ANKRD46: variants seen among roughly 807,000 people sequenced by gnomAD.
ANKRD46 encodes the protein ankyrin repeat domain 46, also known as ankyrin repeat domain-containing protein 46.
Under a neutral mutation model 19.8 loss-of-function variants are expected in ANKRD46, and 13 were observed. That is an observed-to-expected ratio of 0.66 (90% confidence interval 0.43 to 1.04). ANKRD46 has a LOEUF of 1.04. Among genes scored for constraint, ANKRD46 ranks in the 50% least tolerant of loss-of-function variants. ANKRD46 has a pLI of 0.00. For synonymous variants in ANKRD46, 91 were observed against 106.9 expected (o/e 0.85, Z 0.92); for missense variants, 185 against 274.8 (o/e 0.67, Z 2.31).
In ANKRD46 at chr8:100,545,338, G is replaced by C. The variant is rs946845179; in HGVS notation, c.-130-12027C>G. Reference sequence around the variant, plus strand: ...CCTGGTGGGAGGTGAATGGAGCATGGGGGTGGTTACCCCCATGCTGTTCTC... The same window carrying C: ...CCTGGTGGGAGGTGAATGGAGCATGCGGGTGGTTACCCCCATGCTGTTCTC... On this transcript the variant is annotated intron_variant, in intron 1 of 4. Coordinates refer to ENST00000335659, the MANE Select transcript of ANKRD46 (RefSeq NM_001270377.2). This position sits in a 1 kb window ranked among gnomAD's most constrained non-coding sequence, Gnocchi z 4.7. Among the ~76,000 whole-genome samples the C allele has an allele frequency of 1.3e-5, 2 of 152,076 alleles. No individual in the cohort carries two copies. Among genetic ancestry groups the C allele is most frequent in the Non-Finnish European group, 2.9e-5 (2 of 68,000 alleles).
rs1812532486 is a variant in ANKRD46, at chr8:100,557,902, T to A, written c.-131+1809A>T. On this transcript the variant is annotated intron_variant, in intron 1 of 4. Coordinates refer to ENST00000335659, the MANE Select transcript of ANKRD46 (RefSeq NM_001270377.2). This position sits in a 1 kb window ranked among gnomAD's most constrained non-coding sequence, Gnocchi z 5.9. ...TCCCCCTTTGCTACTTTATTTTTAT[T>A]CCTAGTAACTGTTACCATCTGACTC... Among the ~76,000 whole-genome samples, 1 of 152,170 alleles carries A rather than the reference T, an allele frequency of 6.6e-6. No individual in the cohort carries two copies. The highest frequency in any genetic ancestry group is 1.5e-5 in the Non-Finnish European group (1 of 68,010).
chr8:100,530,331 T>G (rs1312431856), intron 2 of ANKRD46, among the ~76,000 whole-genome samples: 2 of 152,238 alleles, frequency 1.3e-5, no homozygotes, highest in African/African-American at 4.8e-5. Context: ...CTAAAACTAC[T>G]TGCATGAAAA....
rs557934917 is a variant in ANKRD46 at position 100,510,143 on chromosome 8, C to A, written c.*434G>T. ...TTTTCCGAATGAAGTAACTTTTTTCCCCAGACCGTTTTCTTCACAACTGAA... is the reference window on the plus strand; with the variant it reads ...TTTTCCGAATGAAGTAACTTTTTTCACCAGACCGTTTTCTTCACAACTGAA... On this transcript the variant is annotated 3_prime_UTR_variant, in exon 6 of 6. Coordinates refer to the ANKRD46 transcript ENST00000520552. The surrounding 1 kb of genome is among the most constrained non-coding windows in gnomAD (Gnocchi z 4.9). 5.6e-5 allele frequency: 9 copies of A among 160,658 alleles called. No individual in the cohort carries two copies. The highest frequency in any genetic ancestry group is 1.9e-4 in the Admixed American group (3 of 15,560). 10.0% of individuals were successfully genotyped at this position (160,658 alleles called of 1,614,324 possible). A position where few individuals can be genotyped will look rare whatever the true frequency, so the allele number is the denominator to read the frequency against.
Position 100,527,841 on chromosome 8 carries a change from G to A in ANKRD46, c.470+4C>T. ...TGAGAAAAAAAAAGTTGTATCTCCA[G>A]TACCTTTCACTCTCAGCTGTTTGCA... On this transcript the variant is annotated splice_donor_region_variant and intron_variant, in intron 4 of 4. Coordinates refer to ENST00000335659, the MANE Select transcript of ANKRD46 (RefSeq NM_001270377.2). This position sits in a 1 kb window ranked among gnomAD's most constrained non-coding sequence, Gnocchi z 4.0. 6.2e-7 allele frequency: 1 copy of A among 1,611,694 alleles called. No individual in the cohort carries two copies. Among genetic ancestry groups the A allele is most frequent in the Non-Finnish European group, 8.5e-7 (1 of 1,179,162 alleles).
rs1054075910 is a variant in ANKRD46 at position 100,524,871 on chromosome 8, T to C, written c.471-2100A>G. The stretch of plus-strand genomic sequence containing the variant: ...CTACTGTCCAGGGAATATCTGATTC[T>C]AACATAATGGGGTGTGTGTATAATC... On this transcript the variant is annotated intron_variant, in intron 4 of 4. Coordinates refer to ENST00000335659, the MANE Select transcript of ANKRD46 (RefSeq NM_001270377.2). The surrounding 1 kb of genome is among the most constrained non-coding windows in gnomAD (Gnocchi z 4.3). 5.3e-5 allele frequency among the ~76,000 whole-genome samples: 8 copies of C among 152,326 alleles called. No homozygotes were observed. Among genetic ancestry groups the C allele is most frequent in the Middle Eastern group, 3.4e-3 (1 of 292 alleles).
At chr8:100,520,761 A>ATT, downstream of ANKRD46, 2 of 875,718 alleles carry the variant, frequency 2.3e-6, no homozygotes, top group Non-Finnish European at 2.7e-6. Flanking sequence ...AAAAAAAAAG[A>ATT]GAAATCGTGA....
chr8:100,538,309 C>G (rs1446723539), intron 1 of ANKRD46, among the ~76,000 whole-genome samples: 2 of 152,046 alleles, frequency 1.3e-5, no homozygotes, highest in Non-Finnish European at 2.9e-5. Context: ...AACCATGAAT[C>G]AAAAATATTT....
chr8:100,547,660 T>C (rs1229874663), intron 1 of ANKRD46, among the ~76,000 whole-genome samples: 1 of 152,122 alleles, frequency 6.6e-6, no homozygotes, highest in Non-Finnish European at 1.5e-5. Context: ...CAGCACTCCA[T>C]ACATATACTC....
At chr8:100,523,125 C>T (rs1007574250) in intron 4 of ANKRD46, among the ~76,000 whole-genome samples, 9 of 150,656 alleles carry the variant, frequency 6.0e-5, no homozygotes, top group Admixed American at 1.3e-4. Context: ...CCCAGGAGTT[C>T]GGGACCAGCC....
In ANKRD46 at chr8:100,520,874, A is replaced by C. The variant is rs1434238591; in HGVS notation, c.*1681T>G. On this transcript the variant is annotated 3_prime_UTR_variant, in exon 5 of 5. Transcript: ENST00000335659. ...ACATAAAAGGAACCATTAATCTTTAAAAATGCTATATACTTACATTTTGAC... is the reference window on the plus strand; with the variant it reads ...ACATAAAAGGAACCATTAATCTTTACAAATGCTATATACTTACATTTTGAC... 2 of 984,604 alleles carry C rather than the reference A, an allele frequency of 2.0e-6. No individual in the cohort carries two copies. The highest frequency in any genetic ancestry group is 3.5e-5 in the African/African-American group (2 of 57,210). 61.0% of individuals were successfully genotyped at this position (984,604 alleles called of 1,614,324 possible). A position where few individuals can be genotyped will look rare whatever the true frequency, so the allele number is the denominator to read the frequency against.
downstream of ANKRD46, among the ~76,000 whole-genome samples, chr8:100,519,290 A>C (rs17349841): frequency 0.29 from 44,570 of 152,056 alleles, 7,097 homozygotes; most frequent in Middle Eastern, 0.37. Context: ...CCTACGAGGG[A>C]GTCACAGGAA....
chr8:100,541,233 A>C (rs1812169770), intron 1 of ANKRD46, among the ~76,000 whole-genome samples: 1 of 152,020 alleles, frequency 6.6e-6, no homozygotes, highest in South Asian at 2.1e-4. Flanking sequence ...CCACCTTAGC[A>C]GACTTTATAT....
intron 1 of ANKRD46, among the ~76,000 whole-genome samples, chr8:100,555,759 AAAAG>A (rs1171475522): frequency 6.9e-5 from 9 of 130,038 alleles, no homozygotes; most frequent in African/African-American, 2.9e-4. Context: ...AAAAAAAAAA[AAAAG>A]ATTTCCACAT....
In ANKRD46 at chr8:100,545,693, G is replaced by T. The variant is rs1343357233; in HGVS notation, c.-130-12382C>A. On this transcript the variant is annotated intron_variant, in intron 1 of 4. Coordinates refer to ENST00000335659, the MANE Select transcript of ANKRD46 (RefSeq NM_001270377.2). The surrounding 1 kb of genome is among the most constrained non-coding windows in gnomAD (Gnocchi z 4.7). ...GGAACTGGGTAACAGGCAAAGGTTG[G>T]AACAGTTTGGGGGGCTCAGAAGATA... 6.6e-6 allele frequency among the ~76,000 whole-genome samples: 1 copy of T among 152,188 alleles called. No individual in the cohort carries two copies. Among genetic ancestry groups the T allele is most frequent in the Non-Finnish European group, 1.5e-5 (1 of 68,028 alleles).
chr8:100,521,989 TTTTG>T lies in ANKRD46; in HGVS notation c.*562_*565del, dbSNP rs752387581. On this transcript the variant is annotated 3_prime_UTR_variant, in exon 5 of 5. Coordinates refer to ENST00000335659, the MANE Select transcript of ANKRD46 (RefSeq NM_001270377.2). The stretch of plus-strand genomic sequence containing the variant: ...ACAAAATATAGCTCATTTTCAAAAG[TTTTG>T]TTTGGTTTGTGACTAGACTTAAAAA... 1.6e-3 allele frequency: 1,600 copies of T among 984,326 alleles called. 3 individuals are homozygous for T. The highest frequency in any genetic ancestry group is 1.9e-3 in the Non-Finnish European group (1,545 of 828,990). 61.0% of individuals were successfully genotyped at this position (984,326 alleles called of 1,614,324 possible).
chr8:100,526,843 G>C (rs1225246029), intron 4 of ANKRD46, among the ~76,000 whole-genome samples: 2 of 152,174 alleles, frequency 1.3e-5, no homozygotes, highest in African/African-American at 4.8e-5. Context: ...AATGGTCTAA[G>C]TGGATTATGT....
chr8:100,548,263 G>A (rs1056392140), intron 1 of ANKRD46, among the ~76,000 whole-genome samples: 43 of 152,004 alleles, frequency 2.8e-4, no homozygotes, highest in African/African-American at 1.0e-3. Context: ...TTTTGTTCCT[G>A]CCTACCTCTC....
At chr8:100,512,406 C>A (rs1296370874) in intron 5 of ANKRD46, among the ~76,000 whole-genome samples, 1 of 152,192 alleles carries the variant, frequency 6.6e-6, no homozygotes, top group East Asian at 1.9e-4. Context: ...TGGCACTTCC[C>A]AGAATGAGAA....
chr8:100,515,951 AACCTCC>A (rs2130630337), downstream of ANKRD46, among the ~76,000 whole-genome samples: 1 of 150,872 alleles, frequency 6.6e-6, no homozygotes, highest in African/African-American at 2.4e-5. Flanking sequence ...AGCTCACTGC[AACCTCC>A]ACCTCCCAGA....
Sources: allele counts gnomAD v4.1 joint callset (sites outside exome capture counted in the v4.1 genomes callset), GRCh38; gene constraint gnomAD v4.1.1; non-coding constraint Gnocchi (gnomAD v3.1); transcripts MANE v1.5; gene names NCBI Gene and HGNC (gene_info 2026-07-23, HGNC 2026-07-21).